Variants in ARHGAP28 observed in about 807,000 individuals in gnomAD.
ARHGAP28 encodes the protein Rho GTPase activating protein 28, also known as rho GTPase-activating protein 28.
A neutral mutation model predicts 90.7 loss-of-function variants in ARHGAP28; 56 were observed. The observed-to-expected ratio is 0.62, with a 90% confidence interval of 0.50 to 0.77. The LOEUF is 0.77. Ranked by LOEUF, ARHGAP28 falls within the 30% of genes least tolerant of loss-of-function variation. The pLI is 0.00. For missense variants in ARHGAP28, 869 were observed against 900.9 expected, an observed-to-expected ratio of 0.96 and a Z score of 0.45; for synonymous variants, 308 against 323.3, an observed-to-expected ratio of 0.95 and a Z score of 0.51.
intron 1 of ARHGAP28, among the ~76,000 whole-genome samples, chr18:6,757,453 T>C (rs1380179155): frequency 6.6e-6 from 1 of 152,138 alleles, no homozygotes; most frequent in Non-Finnish European, 1.5e-5. Context: ...AAGGAACGTA[T>C]CTGAAGTAGG....
intron 3 of ARHGAP28, 36 bp downstream of exon 3, chr18:6,837,450 T>A: frequency 7.6e-7 from 1 of 1,315,262 alleles, no homozygotes; most frequent in Non-Finnish European, 1.1e-6. Flanking sequence ...AAAAGGCGCC[T>A]AGTTTGACTG....
At position 6,887,249 on chromosome 18, in the gene ARHGAP28, G is replaced by C. The variant is rs564990083; in HGVS notation, c.1536+10G>C. 1 of 1,613,088 alleles carries C rather than the reference G, an allele frequency of 6.2e-7. No homozygotes were observed. Among genetic ancestry groups the C allele is most frequent in the Non-Finnish European group, 8.5e-7 (1 of 1,179,410 alleles). The stretch of plus-strand genomic sequence containing the variant: ...CAGAGATGCAGCTCAGGTACGTCGT[G>C]TCCACCTCACAGCTTGTCCTGGGGC... On this transcript the variant is annotated intron_variant, in intron 12 of 17. Coordinates refer to ENST00000383472, the MANE Select transcript of ARHGAP28 (RefSeq NM_001366230.1).
chr18:6,831,681 T>C (rs1229422048), intron 2 of ARHGAP28, among the ~76,000 whole-genome samples: 1 of 152,058 alleles, frequency 6.6e-6, no homozygotes, highest in Non-Finnish European at 1.5e-5. Context: ...CATCTATGAA[T>C]AGAGACAGTT....
At chr18:6,864,656 T>A (rs1306572502) in intron 5 of ARHGAP28, among the ~76,000 whole-genome samples, 1 of 152,080 alleles carries the variant, frequency 6.6e-6, no homozygotes, top group Admixed American at 6.6e-5. Flanking sequence ...GTATCAGCAA[T>A]ATATTTTAAA....
Position 6,735,151 on chromosome 18 carries a change from ACTTT to A in ARHGAP28, c.122+5211_122+5214del, listed in dbSNP as rs1185691383. Among the ~76,000 whole-genome samples the A allele has an allele frequency of 5.3e-5, 8 of 152,348 alleles. No homozygotes were observed. In the South Asian group the frequency reaches 1.4e-3, roughly 28 times the overall value. ...GGTGACTAAAAAGTCATAACTTTTA[ACTTT>A]CTATTTTGATGTAATTTTGGGCTTA... On this transcript the variant is annotated intron_variant, in intron 1 of 17. Transcript: ENST00000383472.
chr18:6,735,195 G>A (rs888023742), intron 1 of ARHGAP28, among the ~76,000 whole-genome samples: 1 of 152,186 alleles, frequency 6.6e-6, no homozygotes, highest in Non-Finnish European at 1.5e-5. Context: ...ACTTGCAAAA[G>A]TAGTCCAGAA....
intron 2 of ARHGAP28, among the ~76,000 whole-genome samples, chr18:6,829,586 A>C (rs1173242195): frequency 6.6e-6 from 1 of 152,188 alleles, no homozygotes; most frequent in Non-Finnish European, 1.5e-5. Context: ...GCACTCTTAT[A>C]ATCTCACACT....
At chr18:6,816,784 C>T (rs1322160657) in intron 1 of ARHGAP28, among the ~76,000 whole-genome samples, 1 of 152,106 alleles carries the variant, frequency 6.6e-6, no homozygotes, top group African/African-American at 2.4e-5. Flanking sequence ...GTAGCCCTTA[C>T]AATTGAGAAT....
Position 6,841,186 on chromosome 18 carries a change from TCTCTCTCTCTCTCTCTC to T in ARHGAP28, c.543+3778_543+3794del, listed in dbSNP as rs1196494301. On this transcript the variant is annotated intron_variant, in intron 3 of 17. Coordinates refer to ENST00000383472, the MANE Select transcript of ARHGAP28 (RefSeq NM_001366230.1). ...CTCTCTCCTCTCTCTCTCTCCTCTC[TCTCTCTCTCTCTCTCTC>T]CTCTCCTCTCTCTCTCTCTCCCCCC... Among the ~76,000 whole-genome samples, 51 of 57,782 alleles carry T rather than the reference TCTCTCTCTCTCTCTCTC, an allele frequency of 8.8e-4. 1 individual carries two copies. Among genetic ancestry groups the T allele is most frequent in the African/African-American group, 2.6e-3 (29 of 11,232 alleles). 37.9% of individuals were successfully genotyped at this position (57,782 alleles called of 152,430 possible). A position where few individuals can be genotyped will look rare whatever the true frequency, so the allele number is the denominator to read the frequency against.
chr18:6,761,915 G>C (rs548546856), intron 1 of ARHGAP28, among the ~76,000 whole-genome samples: 3 of 152,304 alleles, frequency 2.0e-5, no homozygotes, highest in African/African-American at 7.2e-5. Context: ...GGTTATATAG[G>C]AAAGGTTTAA....
intron 1 of ARHGAP28, among the ~76,000 whole-genome samples, chr18:6,800,465 C>T (rs765248242): frequency 2.0e-5 from 3 of 152,106 alleles, no homozygotes; most frequent in Non-Finnish European, 2.9e-5. Context: ...AACCCAAATG[C>T]ACATCAGTGA....
chr18:6,773,315 T>C (rs975201099), intron 1 of ARHGAP28, among the ~76,000 whole-genome samples: 1 of 152,138 alleles, frequency 6.6e-6, no homozygotes, highest in East Asian at 1.9e-4. Flanking sequence ...ATACATAATG[T>C]AATTTTGGAG....
At chr18:6,911,514 C>T (rs1029473325) in intron 17 of ARHGAP28, among the ~76,000 whole-genome samples, 1 of 152,148 alleles carries the variant, frequency 6.6e-6, no homozygotes. Flanking sequence ...TGGCTCACTG[C>T]AACCTCAGCC....
intron 1 of ARHGAP28, among the ~76,000 whole-genome samples, chr18:6,734,175 T>G (rs1047758608): frequency 6.6e-6 from 1 of 152,196 alleles, no homozygotes; most frequent in Non-Finnish European, 1.5e-5. Flanking sequence ...GAATCATGAT[T>G]TTTAGAGAGG....
chr18:6,904,435 T>G (rs1040826823), intron 16 of ARHGAP28, among the ~76,000 whole-genome samples: 4 of 152,044 alleles, frequency 2.6e-5, no homozygotes, highest in Non-Finnish European at 5.9e-5. Flanking sequence ...TAAAATTATG[T>G]GGGATGCAGC....
intron 1 of ARHGAP28, among the ~76,000 whole-genome samples, chr18:6,744,260 A>C (rs78650073): frequency 0.04 from 6,161 of 152,226 alleles, 417 homozygotes; most frequent in African/African-American, 0.14. Flanking sequence ...ATGTAACCAC[A>C]GATGCTGGTA....
chr18:6,849,491 A>G (rs551881638), intron 3 of ARHGAP28, among the ~76,000 whole-genome samples: 1 of 150,540 alleles, frequency 6.6e-6, no homozygotes, highest in South Asian at 2.2e-4. Flanking sequence ...AATCACATAT[A>G]TTACAGAATG....
chr18:6,843,229 C>T (rs949167699), intron 3 of ARHGAP28, among the ~76,000 whole-genome samples: 2 of 152,138 alleles, frequency 1.3e-5, no homozygotes, highest in African/African-American at 4.8e-5. Context: ...CTGCCTACAA[C>T]ACCCTCACTG....
intron 10 of ARHGAP28, among the ~76,000 whole-genome samples, chr18:6,880,059 C>T (rs1467883864): frequency 6.6e-6 from 1 of 152,144 alleles, no homozygotes; most frequent in African/African-American, 2.4e-5. Context: ...CTTCTCCTCT[C>T]GCTGGTGCTT....
Sources: gnomAD v4.1 joint callset for allele counts (sites outside exome capture counted in the v4.1 genomes callset) on GRCh38, gnomAD v4.1.1 for gene constraint, MANE v1.5 for transcripts, NCBI Gene and HGNC (gene_info 2026-07-23, HGNC 2026-07-21) for gene names.